GPC4: variants seen among roughly 807,000 people sequenced by gnomAD.
The protein encoded by GPC4 is glypican 4.
Under a neutral mutation model 35.0 loss-of-function variants are expected in GPC4, and 10 were observed. That is an observed-to-expected ratio of 0.29 (90% CI 0.18 to 0.48). The LOEUF is 0.48. Among genes scored for constraint, GPC4 ranks in the 20% least tolerant of loss-of-function variants. The pLI, the probability that GPC4 is intolerant of heterozygous loss-of-function variation, is 0.99. For missense variants in GPC4, 322 were observed against 451.3 expected (o/e 0.71, Z 2.60); for synonymous variants, 167 against 170.2 (o/e 0.98, Z 0.15).
At chrX:133,327,736 A>T (rs1219743678) in intron 2 of GPC4, among the ~76,000 whole-genome samples, 1 of 108,623 alleles carries the variant, frequency 9.2e-6, no homozygotes, top group Non-Finnish European at 1.9e-5. Context: ...TATACATACT[A>T]AATCCTAATT....
chrX:133,376,690 T>C (rs987506455), intron 1 of GPC4, among the ~76,000 whole-genome samples: 1 of 112,159 alleles, frequency 8.9e-6, no homozygotes, highest in African/African-American at 3.2e-5. Flanking sequence ...CTTGGCACTA[T>C]ACACACGGGG....
chrX:133,316,687 G>A (rs2068339986), intron 3 of GPC4, among the ~76,000 whole-genome samples: 1 of 111,679 alleles, frequency 9.0e-6, no homozygotes, highest in Admixed American at 9.5e-5. Context: ...AAACAATAAT[G>A]ACTTACTGAG....
intron 2 of GPC4, among the ~76,000 whole-genome samples, chrX:133,336,341 C>T (rs112996359): frequency 0.015 from 1,698 of 111,182 alleles, 43 homozygotes; most frequent in African/African-American, 0.053. Context: ...TCGAGACTAG[C>T]CTGGCCAACA....
intron 1 of GPC4, among the ~76,000 whole-genome samples, chrX:133,348,368 A>G (rs1010973798): frequency 8.9e-6 from 1 of 112,014 alleles, no homozygotes; most frequent in South Asian, 3.7e-4. Context: ...TACAACCACT[A>G]CCTCCAGGAC....
At chrX:133,313,391 C>A (rs1255773585) in intron 3 of GPC4, among the ~76,000 whole-genome samples, 1 of 112,881 alleles carries the variant, frequency 8.9e-6, no homozygotes, top group East Asian at 2.8e-4. Context: ...TAACCATTCC[C>A]AAATGTTTTC....
chrX:133,383,303 G>A (rs547634339), intron 1 of GPC4, among the ~76,000 whole-genome samples: 2 of 111,117 alleles, frequency 1.8e-5, no homozygotes, highest in African/African-American at 3.3e-5. Context: ...AAAAGGCTAC[G>A]TACTGTTTCC....
At chrX:133,381,286 G>C (rs1341365356) in intron 1 of GPC4, among the ~76,000 whole-genome samples, 2 of 112,449 alleles carry the variant, frequency 1.8e-5, no homozygotes, top group Non-Finnish European at 3.7e-5. Flanking sequence ...TTTTGAAAAT[G>C]TGAATTTGTT....
chrX:133,404,653 G>A (rs188324241), intron 1 of GPC4, among the ~76,000 whole-genome samples: 7 of 108,203 alleles, frequency 6.5e-5, no homozygotes, highest in Admixed American at 4.9e-4. Flanking sequence ...CCAGGAGTTC[G>A]AGACCAGCCT....
At chrX:133,385,367 C>T (rs2068684268) in intron 1 of GPC4, among the ~76,000 whole-genome samples, 1 of 111,785 alleles carries the variant, frequency 8.9e-6, no homozygotes, top group African/African-American at 3.2e-5. Context: ...TAAGAAACAC[C>T]GAAGAATTCA....
chrX:133,403,808 G>A (rs1488406986), intron 1 of GPC4, among the ~76,000 whole-genome samples: 2 of 108,756 alleles, frequency 1.8e-5, no homozygotes, highest in Non-Finnish European at 3.8e-5. Context: ...CAATCCTTGT[G>A]CCTCAGCCTC....
intron 7 of GPC4, 74 bp downstream of exon 7, chrX:133,304,651 G>T: frequency 8.8e-7 from 1 of 1,140,900 alleles, no homozygotes; most frequent in Non-Finnish European, 1.2e-6. Context: ...GTTGACAATT[G>T]AGAGAACCCT....
intron 1 of GPC4, among the ~76,000 whole-genome samples, chrX:133,399,060 G>A (rs1486415247): frequency 9.0e-6 from 1 of 111,478 alleles, no homozygotes; most frequent in Non-Finnish European, 1.9e-5. Context: ...GGCTTGGCAA[G>A]GGAAGGAATC....
chrX:133,352,771 G>GT (rs1211047488), intron 1 of GPC4, among the ~76,000 whole-genome samples: 2 of 110,738 alleles, frequency 1.8e-5, no homozygotes, highest in South Asian at 3.9e-4. Context: ...AATAATCCCT[G>GT]TTTTTTTCTA....
intron 1 of GPC4, among the ~76,000 whole-genome samples, chrX:133,414,219 C>T: frequency 9.1e-6 from 1 of 110,361 alleles, no homozygotes; most frequent in Non-Finnish European, 1.9e-5. Flanking sequence ...GCTACTAAAA[C>T]TCCTAATCCT....
intron 2 of GPC4, among the ~76,000 whole-genome samples, chrX:133,334,805 G>A (rs113389106): frequency 0.014 from 1,533 of 111,822 alleles, 35 homozygotes; most frequent in African/African-American, 0.047. Context: ...CAATAGACTA[G>A]CATCAGACAA....
At chrX:133,347,582 G>T (rs1007692274) in intron 1 of GPC4, among the ~76,000 whole-genome samples, 2 of 110,739 alleles carry the variant, frequency 1.8e-5, no homozygotes, top group Non-Finnish European at 3.8e-5. Flanking sequence ...GAACTAAAAT[G>T]CAGGTTGCTA....
intron 1 of GPC4, among the ~76,000 whole-genome samples, chrX:133,402,909 G>GAAAA (rs11310772): frequency 7.5e-5 from 5 of 67,093 alleles, no homozygotes; most frequent in Admixed American, 2.0e-4. Flanking sequence ...GTCTCAAAAG[G>GAAAA]AAAAAAAAAA....
intron 2 of GPC4, among the ~76,000 whole-genome samples, chrX:133,335,475 A>G (rs1354521234): frequency 9.0e-6 from 1 of 111,479 alleles, no homozygotes; most frequent in Non-Finnish European, 1.9e-5. Flanking sequence ...ACACACACGC[A>G]CACACACGAG....
intron 7 of GPC4, among the ~76,000 whole-genome samples, chrX:133,303,936 A>AGGAAGGAAGGAG (rs2068279394): frequency 9.3e-6 from 1 of 108,002 alleles, no homozygotes; most frequent in African/African-American, 3.4e-5. Context: ...GAAGGAAGGA[A>AGGAAGGAAGGAG]GGAAGGAAGG....
Sources: gnomAD v4.1 joint callset for allele counts (sites outside exome capture counted in the v4.1 genomes callset) on GRCh38, gnomAD v4.1.1 for gene constraint, MANE v1.5 for transcripts, NCBI Gene and HGNC (gene_info 2026-07-23, HGNC 2026-07-21) for gene names.